DNAH12: variants seen among roughly 807,000 people sequenced by gnomAD.
The protein encoded by DNAH12 is dynein axonemal heavy chain 12, also known as axonemal beta dynein heavy chain 12.
A neutral mutation model predicts 371.5 loss-of-function variants in DNAH12; 285 were observed. The observed-to-expected ratio is 0.77, with a 90% CI of 0.70 to 0.85. The LOEUF (loss-of-function observed/expected upper bound fraction) is 0.85, where lower values mean the gene tolerates loss of function less well. DNAH12 is among the 40% of genes least tolerant of loss of function. DNAH12 has a pLI of 0.00. For synonymous variants in DNAH12, 1,200 were observed against 1,213.0 expected, an observed-to-expected ratio of 0.99 and a Z score of 0.22; for missense variants, 3,611 against 3,689.4, an observed-to-expected ratio of 0.98 and a Z score of 0.55.
intron 30 of DNAH12, among the ~76,000 whole-genome samples, chr3:57,435,587 AT>A (rs1359214607): frequency 6.6e-6 from 1 of 152,056 alleles, no homozygotes; most frequent in African/African-American, 2.4e-5. Flanking sequence ...TAAAAAGCTG[AT>A]TGTTTTTGAG....
Position 57,296,526 on chromosome 3 carries a change from G to A in DNAH12, c.11533-91C>T, listed in dbSNP as rs368297586. ...TAGCGAAATATTCAGAACACATTCA[G>A]GGAAACTCTATTGTATAATAGCTTG... On this transcript the variant is annotated intron_variant, in intron 71 of 73. Coordinates refer to ENST00000495027, the MANE Select transcript of DNAH12 (RefSeq NM_001366028.2). The A allele has an allele frequency of 1.1e-5, 11 of 1,007,632 alleles. No homozygotes were observed. In the East Asian group the frequency reaches 1.3e-4, roughly 12 times the overall value. The allele number at this position is 1,007,632 out of a possible 1,614,324, so 62.4% of individuals were successfully genotyped here. A position where few individuals can be genotyped will look rare whatever the true frequency, so the allele number is the denominator to read the frequency against.
chr3:57,520,077 G>GAGCCGCCCGTCGGT, intron 4 of DNAH12: 2 of 581,304 alleles, frequency 3.4e-6, no homozygotes, highest in Non-Finnish European at 6.2e-6. Flanking sequence ...CGGCTCTGTG[G>GAGCCGCCCGTCGGT]CTACAGCGTT....
intron 60 of DNAH12, among the ~76,000 whole-genome samples, chr3:57,344,514 A>G (rs1440632906): frequency 6.6e-6 from 1 of 152,232 alleles, no homozygotes; most frequent in Non-Finnish European, 1.5e-5. Context: ...AGCACTATTC[A>G]CAATAACCAA....
intron 26 of DNAH12, 33 bp downstream of exon 26, chr3:57,446,504 C>A: frequency 6.6e-7 from 1 of 1,507,128 alleles, no homozygotes; most frequent in Non-Finnish European, 8.9e-7. Context: ...AAGTTTGAAA[C>A]ATTTAATATT....
intron 27 of DNAH12, 44 bp from the exon 28 acceptor site, chr3:57,445,463 G>C (rs1314340352): frequency 7.1e-7 from 1 of 1,410,496 alleles, no homozygotes; most frequent in African/African-American, 1.5e-5. Context: ...CATAAATGAA[G>C]CTGTTTTTAA....
At chr3:57,466,849 G>A (rs1436384595) in intron 17 of DNAH12, among the ~76,000 whole-genome samples, 1 of 152,058 alleles carries the variant, frequency 6.6e-6, no homozygotes, top group Non-Finnish European at 1.5e-5. Flanking sequence ...CGGCTTAAGT[G>A]ATCCTCCCAC....
rs1052960908 is a variant in DNAH12, at chr3:57,373,134, C to A, written c.8759+2237G>T. Among the ~76,000 whole-genome samples, 106 of 152,092 alleles carry A rather than the reference C, an allele frequency of 7.0e-4. 1 individual carries two copies. The highest frequency in any genetic ancestry group is 2.5e-3 in the African/African-American group (105 of 41,478). On this transcript the variant is annotated intron_variant, in intron 55 of 73. Transcript: ENST00000495027. ...AGTACACTGCTTTTCCAGGTCATGACTCTTTTTCTGAGAACTACACTCCTG... is the reference window on the plus strand; with the variant it reads ...AGTACACTGCTTTTCCAGGTCATGAATCTTTTTCTGAGAACTACACTCCTG...
chr3:57,428,500 C>G, intron 34 of DNAH12, 133 bp downstream of exon 34: 1 of 1,528,360 alleles, frequency 6.5e-7, no homozygotes, highest in Non-Finnish European at 8.8e-7. Context: ...CAATATAAAA[C>G]CAACGGTGGA....
intron 39 of DNAH12, among the ~76,000 whole-genome samples, chr3:57,411,526 CAAAAA>C (rs57344840): frequency 6.1e-4 from 24 of 39,136 alleles, no homozygotes; most frequent in African/African-American, 1.7e-3. Flanking sequence ...GACACTGTCT[CAAAAA>C]AAAAAAAAAA....
At chr3:57,368,898 A>G (rs1390131965) in intron 55 of DNAH12, among the ~76,000 whole-genome samples, 1 of 152,046 alleles carries the variant, frequency 6.6e-6, no homozygotes, top group African/African-American at 2.4e-5. Flanking sequence ...CAGTACATTA[A>G]ATTTTCTTTT....
intron 62 of DNAH12, among the ~76,000 whole-genome samples, chr3:57,325,345 C>T (rs1173075139): frequency 6.6e-6 from 1 of 152,226 alleles, no homozygotes; most frequent in Non-Finnish European, 1.5e-5. Context: ...ACTGACACCT[C>T]ACACGGCTGG....
intron 55 of DNAH12, among the ~76,000 whole-genome samples, chr3:57,369,042 A>G (rs1335641746): frequency 2.0e-5 from 3 of 151,720 alleles, no homozygotes; most frequent in African/African-American, 7.3e-5. Flanking sequence ...GCCCGTCTCT[A>G]CTAAAAAAAA....
intron 71 of DNAH12, 109 bp downstream of exon 71, chr3:57,296,738 A>G: frequency 1.6e-6 from 2 of 1,241,288 alleles, no homozygotes; most frequent in East Asian, 2.6e-5. Flanking sequence ...TATTCTTACA[A>G]CACAAAGAAT....
chr3:57,398,208 C>G (rs2063784277), intron 43 of DNAH12, among the ~76,000 whole-genome samples: 1 of 152,074 alleles, frequency 6.6e-6, no homozygotes, highest in African/African-American at 2.4e-5. Flanking sequence ...AACTTGAAAA[C>G]AAGTCGTTGG....
chr3:57,316,061 T>G (rs1291959891), intron 65 of DNAH12, among the ~76,000 whole-genome samples: 2 of 152,060 alleles, frequency 1.3e-5, no homozygotes, highest in African/African-American at 2.4e-5. Flanking sequence ...ATCTAGATAT[T>G]CTAAAAACTA....
At chr3:57,476,139 G>A (rs565842450) in intron 13 of DNAH12, among the ~76,000 whole-genome samples, 2 of 152,218 alleles carry the variant, frequency 1.3e-5, no homozygotes, top group African/African-American at 4.8e-5. Context: ...TAACATTGAT[G>A]AGAGGCAAAA....
chr3:57,453,807 C>G (rs1343534960), intron 23 of DNAH12, among the ~76,000 whole-genome samples: 2 of 152,176 alleles, frequency 1.3e-5, no homozygotes, highest in South Asian at 2.1e-4. Context: ...ACCCCGACCT[C>G]AAGTGATCCA....
chr3:57,554,854 C>T, the DNAH12 span, among the ~76,000 whole-genome samples: 11 of 151,878 alleles, frequency 7.2e-5, no homozygotes, highest in African/African-American at 1.5e-4. Flanking sequence ...TGACCTTAGG[C>T]GATCCACCCG....
intron 13 of DNAH12, among the ~76,000 whole-genome samples, chr3:57,473,549 G>C (rs2066431752): frequency 6.6e-6 from 1 of 151,754 alleles, no homozygotes; most frequent in Non-Finnish European, 1.5e-5. Flanking sequence ...TAGATTATCT[G>C]AGTAGATAGG....
Sources: allele counts gnomAD v4.1 joint callset (sites outside exome capture counted in the v4.1 genomes callset), GRCh38; gene constraint gnomAD v4.1.1; transcripts MANE v1.5; gene names NCBI Gene and HGNC (gene_info 2026-07-23, HGNC 2026-07-21).